The following KALRN variants were observed in gnomAD, a reference collection of about 807,000 sequenced individuals.
The protein encoded by KALRN is kalirin.
KALRN carries 70 observed loss-of-function variants against 353.7 expected under a neutral mutation model. The observed-to-expected ratio is 0.20, with a 90% CI of 0.16 to 0.24. The LOEUF is 0.24. Among genes scored for constraint, KALRN ranks in the 10% least tolerant of loss-of-function variants. The probability of loss-of-function intolerance (pLI) is 1.00; values close to 1 mark genes in which losing one functional copy is unlikely to be tolerated. For synonymous variants in KALRN, 1,391 were observed against 1,434.8 expected (o/e 0.97, Z 0.69); for missense variants, 2,791 against 3,756.7 (o/e 0.74, Z 6.72).
Position 124,264,525 on chromosome 3 carries a change from T to C in KALRN, c.291T>C (p.Thr97=), listed in dbSNP as rs751837538. ...PSEDVCKRGF[T]VIIDMRGSKW... is the part of the protein sequence containing the mutation. Reference sequence around the variant, plus strand: ...AGGACGTGTGCAAACGTGGCTTCACTGTCATCATCGACATGCGGGGCTCCA... The same window carrying C: ...AGGACGTGTGCAAACGTGGCTTCACCGTCATCATCGACATGCGGGGCTCCA... The change falls in exon 4 of 60, where the codon ACT becomes ACC. Residue 97 remains threonine, a synonymous_variant. Coordinates refer to ENST00000682506, the MANE Select transcript of KALRN (RefSeq NM_001388419.1). 1.2e-6 allele frequency: 2 copies of C among 1,613,930 alleles called. No homozygotes were observed. The highest frequency in any genetic ancestry group is 2.7e-5 in the African/African-American group (2 of 74,914).
chr3:124,519,753 G>A lies in KALRN; in HGVS notation c.4935+23340G>A, dbSNP rs1476629229. On this transcript the variant is annotated intron_variant, in intron 33 of 59. Transcript: ENST00000682506. ...TGTACTTGAATTTAAATCCAATGGA[G>A]AACTTTAACACGGGCATTTGCATGA... 9 of 985,314 alleles carry A rather than the reference G, an allele frequency of 9.1e-6. No individual in the cohort carries two copies. The East Asian group carries it at 9.1e-4, about 99-fold the overall frequency. The allele number at this position is 985,314 out of a possible 1,614,324, so 61.0% of individuals were successfully genotyped here. A position where few individuals can be genotyped will look rare whatever the true frequency, so the allele number is the denominator to read the frequency against.
intron 11 of KALRN, among the ~76,000 whole-genome samples, chr3:124,385,814 A>C (rs1359798855): frequency 3.3e-5 from 5 of 152,194 alleles, no homozygotes; most frequent in Non-Finnish European, 4.4e-5. Context: ...GAAATTGAAT[A>C]AGTGGCCAGT....
chr3:124,712,902 A>C (rs745553008), intron 57 of KALRN, 33 bp from the exon 58 acceptor site: 1 of 1,495,874 alleles, frequency 6.7e-7, no homozygotes, highest in South Asian at 1.2e-5. Context: ...TTAATTAATG[A>C]ATGTTGGCAA....
At chr3:124,111,546 C>G (rs1424437089) in intron 1 of KALRN, among the ~76,000 whole-genome samples, 1 of 152,120 alleles carries the variant, frequency 6.6e-6, no homozygotes, top group Non-Finnish European at 1.5e-5. Flanking sequence ...GGGTTAATGG[C>G]CACTGGGTAG....
intron 4 of KALRN, among the ~76,000 whole-genome samples, chr3:124,267,785 C>T (rs1442484766): frequency 6.6e-6 from 1 of 152,178 alleles, no homozygotes; most frequent in East Asian, 1.9e-4. Flanking sequence ...GCCTTCAGAT[C>T]ATCAGAGTGA....
At chr3:124,230,301 GCC>G (rs2079002976) in intron 2 of KALRN, among the ~76,000 whole-genome samples, 1 of 152,080 alleles carries the variant, frequency 6.6e-6, no homozygotes, top group African/African-American at 2.4e-5. Flanking sequence ...CATAACTTCT[GCC>G]AAGTTGAGCC....
chr3:124,607,069 G>A (rs1443371662), intron 34 of KALRN, among the ~76,000 whole-genome samples: 2 of 152,188 alleles, frequency 1.3e-5, no homozygotes, highest in Non-Finnish European at 2.9e-5. Flanking sequence ...ACCACTTCTT[G>A]TACTGTACCC....
chr3:124,148,943 T>C (rs1244086591), intron 1 of KALRN, among the ~76,000 whole-genome samples: 1 of 152,202 alleles, frequency 6.6e-6, no homozygotes, highest in Non-Finnish European at 1.5e-5. Context: ...CAAAAATGTA[T>C]TTACTGCCTA....
At chr3:124,312,801 T>C (rs1418778016) in intron 6 of KALRN, among the ~76,000 whole-genome samples, 1 of 152,258 alleles carries the variant, frequency 6.6e-6, no homozygotes, top group African/African-American at 2.4e-5. Flanking sequence ...CCCAAATTCA[T>C]GTACCTAACG....
chr3:124,674,244 G>C, intron 48 of KALRN, 120 bp from the exon 49 acceptor site: 1 of 918,460 alleles, frequency 1.1e-6, no homozygotes, highest in East Asian at 2.6e-5. Flanking sequence ...AGAGAATGCT[G>C]CCTGCTGCCT....
chr3:124,633,837 C>G lies in KALRN; in HGVS notation c.5467-15C>G. 1 of 1,611,346 alleles carries G rather than the reference C, an allele frequency of 6.2e-7. No individual in the cohort carries two copies. Among genetic ancestry groups the G allele is most frequent in the East Asian group, 2.2e-5 (1 of 44,806 alleles). ...TTGTGACACAGTAACTAATGCTGCT[C>G]TTTTGTTCTAGAAGAGCAAGAAAGG... On this transcript the variant is annotated splice_polypyrimidine_tract_variant and intron_variant, in intron 35 of 59. Coordinates refer to ENST00000682506, the MANE Select transcript of KALRN (RefSeq NM_001388419.1).
chr3:124,239,088 T>A (rs575096041), intron 3 of KALRN, among the ~76,000 whole-genome samples: 1 of 152,194 alleles, frequency 6.6e-6, no homozygotes, highest in South Asian at 2.1e-4. Flanking sequence ...CCTACACTTA[T>A]CTAACATTTT....
In KALRN at chr3:124,325,966, C is replaced by G. The variant is rs1185282735; in HGVS notation, c.1093-14C>G. 1 of 1,608,366 alleles carries G rather than the reference C, an allele frequency of 6.2e-7. No individual in the cohort carries two copies. Among genetic ancestry groups the G allele is most frequent in the African/African-American group, 1.3e-5 (1 of 74,896 alleles). Reference sequence around the variant, plus strand: ...TTGAGCCTGCCCCACTGAGCACTCTCCTTTTCTTTCCAGAATGCCTATGTC... The same window carrying G: ...TTGAGCCTGCCCCACTGAGCACTCTGCTTTTCTTTCCAGAATGCCTATGTC... On this transcript the variant is annotated splice_polypyrimidine_tract_variant and intron_variant, in intron 6 of 59. Coordinates refer to ENST00000682506, the MANE Select transcript of KALRN (RefSeq NM_001388419.1).
At chr3:124,682,817 T>C (rs2061400691) in intron 51 of KALRN, among the ~76,000 whole-genome samples, 1 of 151,960 alleles carries the variant, frequency 6.6e-6, no homozygotes, top group African/African-American at 2.4e-5. Flanking sequence ...TAAAGGGAGG[T>C]AATTCTGCTC....
chr3:124,631,866 G>A (rs879053016), intron 34 of KALRN, among the ~76,000 whole-genome samples: 4 of 152,088 alleles, frequency 2.6e-5, no homozygotes, highest in Admixed American at 6.5e-5. Flanking sequence ...TGATCCCCCC[G>A]GCTTACTCCA....
chr3:124,080,057 G>A (rs537317326), intron 1 of KALRN: 1 of 471,174 alleles, frequency 2.1e-6, no homozygotes, highest in Non-Finnish European at 4.4e-6. Context: ...CCTGCTGCCA[G>A]AATTGGATCC....
At chr3:124,120,580 G>A (rs1396801291) in intron 1 of KALRN, among the ~76,000 whole-genome samples, 1 of 151,836 alleles carries the variant, frequency 6.6e-6, no homozygotes, top group Non-Finnish European at 1.5e-5. Flanking sequence ...CAGAATTACT[G>A]AATTTAACTA....
intron 10 of KALRN, among the ~76,000 whole-genome samples, chr3:124,380,829 TA>T (rs774811947): frequency 1.7e-4 from 26 of 152,354 alleles, no homozygotes; most frequent in Middle Eastern, 3.4e-3. Flanking sequence ...AGGTAGGATA[TA>T]CCAAATAAAA....
At position 124,199,345 on chromosome 3, in the gene KALRN, C is replaced by T. The variant is rs189951946; in HGVS notation, c.74-28645C>T. Reference sequence around the variant, plus strand: ...AAAGATCTTTCCCAATGCCTTAGACCTCTGGCTCCTTGGACTCTTGCATCC... The same window carrying T: ...AAAGATCTTTCCCAATGCCTTAGACTTCTGGCTCCTTGGACTCTTGCATCC... On this transcript the variant is annotated intron_variant, in intron 1 of 59. Transcript: ENST00000682506. Among the ~76,000 whole-genome samples, 50 of 152,314 alleles carry T rather than the reference C, an allele frequency of 3.3e-4. 1 individual carries two copies. Among genetic ancestry groups the T allele is most frequent in the African/African-American group, 1.2e-3 (48 of 41,568 alleles).
Sources: allele counts gnomAD v4.1 joint callset (sites outside exome capture counted in the v4.1 genomes callset), GRCh38; gene constraint gnomAD v4.1.1; transcripts MANE v1.5; gene names NCBI Gene and HGNC (gene_info 2026-07-23, HGNC 2026-07-21).